The following FRYL variants were observed in gnomAD, a reference collection of about 807,000 sequenced individuals.
The protein encoded by FRYL is protein furry homolog-like.
Under a neutral mutation model 351.2 loss-of-function variants are expected in FRYL, and 150 were observed. The ratio of observed to expected loss-of-function variants is 0.43; its 90% CI spans 0.37 to 0.49. The LOEUF (loss-of-function observed/expected upper bound fraction) is 0.49, where lower values mean the gene tolerates loss of function less well. Ranked by LOEUF, FRYL falls within the 20% of genes least tolerant of loss-of-function variation. The pLI, the probability that FRYL is intolerant of heterozygous loss-of-function variation, is 0.00. For synonymous variants in FRYL, 1,153 were observed against 1,257.1 expected (o/e 0.92, Z 1.75); for missense variants, 3,036 against 3,619.3 (o/e 0.84, Z 4.13).
At chr4:48,723,722 G>C (rs1205768608) in intron 1 of FRYL, among the ~76,000 whole-genome samples, 1 of 151,842 alleles carries the variant, frequency 6.6e-6, no homozygotes, top group Non-Finnish European at 1.5e-5. Flanking sequence ...ACAATTCAAG[G>C]AGACTCTTAG....
Position 48,623,020 on chromosome 4 carries a change from A to T in FRYL, c.174+106T>A, listed in dbSNP as rs565162186. 6.0e-5 allele frequency: 41 copies of T among 685,988 alleles called. No homozygotes were observed. The African/African-American group carries it at 6.0e-4, about 10-fold the overall frequency. The allele number at this position is 685,988 out of a possible 1,614,324, so 42.5% of individuals were successfully genotyped here. ...TCTAGAATGAATTAAGCATACAAGG[A>T]TATATAGAAATTAAGGAATTCCTTA... is the stretch of plus-strand genomic sequence containing the variant. On this transcript the variant is annotated intron_variant, in intron 5 of 63. Coordinates refer to ENST00000358350, the MANE Select transcript of FRYL (RefSeq NM_015030.2).
Position 48,557,091 on chromosome 4 carries a change from C to A in FRYL, c.4153G>T (p.Val1385Leu), listed in dbSNP as rs370470454. 1.2e-6 allele frequency: 2 copies of A among 1,603,966 alleles called. No homozygotes were observed. Among genetic ancestry groups the A allele is most frequent in the South Asian group, 1.1e-5 (1 of 89,602 alleles). ...GCAAGTGTGGTCCACACATTCTCCACCTCCGACCAGGCCAGTTCATCGCCA... is the reference window on the plus strand; with the variant it reads ...GCAAGTGTGGTCCACACATTCTCCAACTCCGACCAGGCCAGTTCATCGCCA... ...KYGDELAWSE[V>L]ENVWTTLADG... The change falls in exon 35 of 64, where the codon GTG (valine) becomes TTG (leucine). Residue 1385 changes from valine (V) to leucine (L), a missense_variant. This residue lies in a region of FRYL where 1,987 missense variants were observed against 2,311.7 expected (regional missense o/e 0.86). Transcript: ENST00000358350.
At chr4:48,626,897 C>G (rs1751948104) in intron 4 of FRYL, among the ~76,000 whole-genome samples, 1 of 152,034 alleles carries the variant, frequency 6.6e-6, no homozygotes, top group South Asian at 2.1e-4. Context: ...TGTTTGATTA[C>G]ATCTGAAGCC....
At chr4:48,653,937 T>A (rs560936772) in intron 3 of FRYL, 1 of 1,221,400 alleles carries the variant, frequency 8.2e-7, no homozygotes, top group Non-Finnish European at 1.0e-6. Flanking sequence ...TGCCTTGGCT[T>A]CATTACCATG....
chr4:48,557,883 A>G (rs1327707480), intron 33 of FRYL, among the ~76,000 whole-genome samples, 171 bp from the exon 34 acceptor site: 1 of 152,252 alleles, frequency 6.6e-6, no homozygotes, highest in Admixed American at 6.5e-5. Context: ...ACATCATAAA[A>G]TTAACAGCTA....
At chr4:48,668,712 T>C (rs1182670362) in intron 3 of FRYL, among the ~76,000 whole-genome samples, 1 of 152,210 alleles carries the variant, frequency 6.6e-6, no homozygotes, top group East Asian at 1.9e-4. Flanking sequence ...TTAAATAGAA[T>C]AATAACTGAG....
At chr4:48,720,839 C>T (rs2149608401) in intron 1 of FRYL, among the ~76,000 whole-genome samples, 1 of 152,342 alleles carries the variant, frequency 6.6e-6, no homozygotes, top group South Asian at 2.1e-4. Context: ...TCCAAAACCA[C>T]ACAGGGACAC....
At chr4:48,531,102 TAAAC>T (rs1196907478) in intron 50 of FRYL, 50 bp downstream of exon 50, 30 of 1,131,614 alleles carry the variant, frequency 2.7e-5, no homozygotes, top group South Asian at 1.9e-4. Flanking sequence ...AATGAATAAA[TAAAC>T]AAATGAAAAT....
intron 48 of FRYL, among the ~76,000 whole-genome samples, chr4:48,535,127 A>C (rs1728583933): frequency 3.3e-5 from 5 of 152,120 alleles, no homozygotes; most frequent in Admixed American, 3.3e-4. Flanking sequence ...TGCTGTCTCA[A>C]AATCATATTT....
chr4:48,588,697 A>C (rs554429252), intron 18 of FRYL, among the ~76,000 whole-genome samples: 1 of 152,090 alleles, frequency 6.6e-6, no homozygotes, highest in Non-Finnish European at 1.5e-5. Flanking sequence ...CTCTCTCTCT[A>C]CACATGCTTC....
chr4:48,723,422 C>T (rs1769713879), intron 1 of FRYL, among the ~76,000 whole-genome samples: 1 of 152,160 alleles, frequency 6.6e-6, no homozygotes, highest in Admixed American at 6.5e-5. Context: ...GGATTACAGC[C>T]ATGAGCCACT....
chr4:48,571,461 G>GT (rs1738308553), intron 26 of FRYL, among the ~76,000 whole-genome samples: 1 of 152,166 alleles, frequency 6.6e-6, no homozygotes, highest in South Asian at 2.1e-4. Flanking sequence ...AATAATAGCT[G>GT]TAACATTTCA....
At position 48,576,225 on chromosome 4, in the gene FRYL, A is replaced by G; in HGVS notation, c.2529-3T>C. Reference sequence around the variant, plus strand: ...CTTTCTTAGCATTGATGGGGCTACTAAGGAAAAAAAAAGAAAAATAGGCAG... The same window carrying G: ...CTTTCTTAGCATTGATGGGGCTACTGAGGAAAAAAAAAGAAAAATAGGCAG... On this transcript the variant is annotated splice_polypyrimidine_tract_variant and splice_region_variant and intron_variant, in intron 23 of 63. Transcript: ENST00000358350. 6.4e-7 allele frequency: 1 copy of G among 1,574,326 alleles called. No individual in the cohort carries two copies.
chr4:48,536,388 T>C (rs1205937784), intron 47 of FRYL, among the ~76,000 whole-genome samples: 1 of 152,198 alleles, frequency 6.6e-6, no homozygotes, highest in Non-Finnish European at 1.5e-5. Context: ...ACAGTCTGCA[T>C]GGTGGACCTC....
At chr4:48,676,130 T>A (rs1405710669) in intron 3 of FRYL, among the ~76,000 whole-genome samples, 1 of 152,112 alleles carries the variant, frequency 6.6e-6, no homozygotes, top group Non-Finnish European at 1.5e-5. Context: ...AGGATGTGGG[T>A]GGGGCCAGAT....
intron 54 of FRYL, 26 bp from the exon 55 acceptor site, chr4:48,521,241 G>C: frequency 1.3e-6 from 2 of 1,549,546 alleles, no homozygotes; most frequent in Non-Finnish European, 1.8e-6. Context: ...GTAAAATAAG[G>C]AATTCATTTA....
intron 62 of FRYL, among the ~76,000 whole-genome samples, chr4:48,500,619 T>C (rs1266076871): frequency 6.6e-6 from 1 of 152,214 alleles, no homozygotes; most frequent in African/African-American, 2.4e-5. Flanking sequence ...TGTATATTTC[T>C]TTTTACAGAT....
intron 18 of FRYL, among the ~76,000 whole-genome samples, chr4:48,588,447 C>T (rs1742586786): frequency 6.6e-6 from 1 of 152,184 alleles, no homozygotes; most frequent in African/African-American, 2.4e-5. Flanking sequence ...TCTTACACAA[C>T]TTCTTCCTGG....
chr4:48,544,893 G>C lies in FRYL; in HGVS notation c.5291C>G (p.Pro1764Arg). 1 of 1,599,106 alleles carries C rather than the reference G, an allele frequency of 6.3e-7. No individual in the cohort carries two copies. Among genetic ancestry groups the C allele is most frequent in the Non-Finnish European group, 8.5e-7 (1 of 1,175,004 alleles). Residue 1764 changes from proline (P) to arginine (R), a missense_variant, in exon 43 of 64, where the codon CCC becomes CGC. Coordinates refer to ENST00000358350, the MANE Select transcript of FRYL (RefSeq NM_015030.2). ...MEFITSRKRG[P>R]LWNHEDVSAK... is the part of the protein sequence containing the mutation. ...AGAAACATCCTCATGGTTCCAAAGG[G>C]GCCCTCTTTTTCTGAAAACAGAGAA...
Sources: gnomAD v4.1 joint callset for allele counts (sites outside exome capture counted in the v4.1 genomes callset) on GRCh38, gnomAD v4.1.1 for gene constraint, gnomAD v4.1.1 regional missense constraint, MANE v1.5 for transcripts, NCBI Gene and HGNC (gene_info 2026-07-23, HGNC 2026-07-21) for gene names.